Variants in GSE1 observed in about 807,000 individuals in gnomAD.
The protein encoded by GSE1 is Gse1 coiled-coil protein.
In GSE1, 32 loss-of-function variants were observed where a neutral mutation model predicts 112.6. The ratio of observed to expected loss-of-function variants is 0.28; its 90% confidence interval spans 0.21 to 0.38. The LOEUF (loss-of-function observed/expected upper bound fraction) is 0.38, where lower values mean the gene tolerates loss of function less well. Ranked by LOEUF, GSE1 falls within the 10% of genes least tolerant of loss-of-function variation. The probability of loss-of-function intolerance (pLI) is 1.00; values close to 1 mark genes in which losing one functional copy is unlikely to be tolerated. For missense variants in GSE1, 2,348 were observed against 1,699.2 expected (o/e 1.38, Z -6.71); for synonymous variants, 1,115 against 735.6 (o/e 1.52, Z -8.35).
chr16:85,345,784 G>A (rs1219270554), intron 1 of GSE1, among the ~76,000 whole-genome samples: 1 of 152,228 alleles, frequency 6.6e-6, no homozygotes, highest in Non-Finnish European at 1.5e-5. Context: ...TTTTCTTGCT[G>A]CTACATCCCA....
rs141039549 is a variant in GSE1 at position 85,540,842 on chromosome 16, G to A, written c.2465-93072G>A. 4.0e-3 allele frequency among the ~76,000 whole-genome samples: 613 copies of A among 152,282 alleles called. 5 individuals carry two copies. The highest frequency in any genetic ancestry group is 6.6e-3 in the Non-Finnish European group (448 of 68,018). Reference sequence around the variant, plus strand: ...GGATCCCTTGAGCCCAGGAGTTTGAGGCTGCAGTGAGCTGTGATTGCACCA... The same window carrying A: ...GGATCCCTTGAGCCCAGGAGTTTGAAGCTGCAGTGAGCTGTGATTGCACCA... On this transcript the variant is annotated intron_variant, in intron 2 of 2. Transcript: ENST00000637419.
chr16:85,553,079 A>G (rs2045004392), upstream of GSE1, among the ~76,000 whole-genome samples: 1 of 151,284 alleles, frequency 6.6e-6, no homozygotes, highest in Non-Finnish European at 1.5e-5. Flanking sequence ...AAGATGGGAG[A>G]TTTTTCCAGT....
intron 2 of GSE1, among the ~76,000 whole-genome samples, chr16:85,645,340 CCTCTGGGCCG>C (rs2050766412): frequency 6.6e-6 from 1 of 152,084 alleles, no homozygotes; most frequent in Non-Finnish European, 1.5e-5. Context: ...TGTGAACGTG[CCTCTGGGCCG>C]CTCTGGGGCG....
chr16:85,555,558 C>T, upstream of GSE1: 2 of 970,348 alleles, frequency 2.1e-6, no homozygotes, highest in Non-Finnish European at 2.4e-6. Flanking sequence ...CTCCTCTCCC[C>T]TCTCCCGCTC....
At chr16:85,571,589 C>A (rs887241372) in intron 1 of GSE1, among the ~76,000 whole-genome samples, 5 of 152,224 alleles carry the variant, frequency 3.3e-5, no homozygotes, top group African/African-American at 9.6e-5. Flanking sequence ...CTCGGGGAGG[C>A]TCTTGAGAGC....
chr16:85,613,999 C>T (rs1473895255), intron 1 of GSE1, among the ~76,000 whole-genome samples: 1 of 151,764 alleles, frequency 6.6e-6, no homozygotes, highest in African/African-American at 2.4e-5. Context: ...ACCCCCACGC[C>T]CTGCTTCCCG....
chr16:85,289,264 T>C (rs1230999086), intron 1 of GSE1, among the ~76,000 whole-genome samples: 1 of 152,136 alleles, frequency 6.6e-6, no homozygotes, highest in Admixed American at 6.5e-5. Context: ...CCTCCCGCCA[T>C]TGGCCTCCCC....
chr16:85,636,721 G>A lies in GSE1; in HGVS notation c.226+2589G>A, dbSNP rs566941888. ...GGCTGGGAGAGCCGCCGTTAGGACAGTTCTGAGCTGGTGGTCCCGGCGGTC... is the reference window on the plus strand; with the variant it reads ...GGCTGGGAGAGCCGCCGTTAGGACAATTCTGAGCTGGTGGTCCCGGCGGTC... On this transcript the variant is annotated intron_variant, in intron 2 of 15. Transcript: ENST00000253458. Among the ~76,000 whole-genome samples the A allele has an allele frequency of 3.3e-5, 5 of 152,330 alleles. No individual in the cohort carries two copies. In the East Asian group the frequency reaches 5.8e-4, roughly 18 times the overall value.
At chr16:85,459,174 C>T (rs767795540) in intron 2 of GSE1, among the ~76,000 whole-genome samples, 40 of 152,344 alleles carry the variant, frequency 2.6e-4, no homozygotes, top group Non-Finnish European at 5.4e-4. Context: ...AAGTCAGAGG[C>T]AGGCAGATTC....
At chr16:85,196,965 C>T (rs1011323078) in intron 1 of GSE1, among the ~76,000 whole-genome samples, 1 of 152,164 alleles carries the variant, frequency 6.6e-6, no homozygotes, top group African/African-American at 2.4e-5. Flanking sequence ...TGAGCACTGG[C>T]CAGGGAGTCT....
chr16:85,464,647 C>T (rs931050469), intron 2 of GSE1, among the ~76,000 whole-genome samples: 6 of 152,242 alleles, frequency 3.9e-5, no homozygotes, highest in South Asian at 2.1e-4. Context: ...CACCATCTCC[C>T]GGGCGGAGGG....
In GSE1 at chr16:85,272,777, CTT is replaced by C. The variant is rs1204820536; in HGVS notation, c.2284-84669_2284-84668del. 4.1e-3 allele frequency among the ~76,000 whole-genome samples: 534 copies of C among 131,358 alleles called. 1 individual carries two copies. Among genetic ancestry groups the C allele is most frequent in the Middle Eastern group, 8.4e-3 (2 of 238 alleles). 86.2% of individuals were successfully genotyped at this position (131,358 alleles called of 152,430 possible). On this transcript the variant is annotated intron_variant, in intron 1 of 2. Coordinates refer to the GSE1 transcript ENST00000637419. Reference sequence around the variant, plus strand: ...TTGCTTGCTTGTTTTCTTCTCTTTTCTTTTTTTTTTTTTTTTTTGACGGAGTT... The same window carrying C: ...TTGCTTGCTTGTTTTCTTCTCTTTTCTTTTTTTTTTTTTTTTGACGGAGTT...
intron 2 of GSE1, among the ~76,000 whole-genome samples, chr16:85,462,001 T>A (rs2049981893): frequency 6.6e-6 from 1 of 152,168 alleles, no homozygotes; most frequent in Non-Finnish European, 1.5e-5. Flanking sequence ...AGAGCCTCGG[T>A]GCTCACAGCA....
chr16:85,353,208 C>T (rs1470369926), intron 1 of GSE1, among the ~76,000 whole-genome samples: 2 of 152,178 alleles, frequency 1.3e-5, no homozygotes, highest in East Asian at 1.9e-4. Context: ...GACGCAGTCT[C>T]ACCTGGGGAC....
chr16:85,327,037 C>T (rs1360896802), intron 1 of GSE1, among the ~76,000 whole-genome samples: 1 of 152,258 alleles, frequency 6.6e-6, no homozygotes, highest in South Asian at 2.1e-4. Context: ...GCTGGAGCAT[C>T]TACTTCCAAG....
upstream of GSE1, chr16:85,613,288 C>A: frequency 6.5e-7 from 1 of 1,539,448 alleles, no homozygotes; most frequent in Non-Finnish European, 8.8e-7. Context: ...CGGGCCCGAG[C>A]TGCCGCCGCC....
At chr16:85,549,757 A>T (rs1347444255) in intron 2 of GSE1, among the ~76,000 whole-genome samples, 1 of 152,236 alleles carries the variant, frequency 6.6e-6, no homozygotes, top group Non-Finnish European at 1.5e-5. Context: ...TAAGGACTAG[A>T]GCCGGACAGA....
At chr16:85,486,848 T>G (rs896178022) in intron 2 of GSE1, among the ~76,000 whole-genome samples, 4 of 152,186 alleles carry the variant, frequency 2.6e-5, no homozygotes, top group African/African-American at 9.6e-5. Flanking sequence ...CGCCGGTGCC[T>G]GGTGCTCAGT....
At chr16:85,626,765 G>A (rs28507623) in intron 1 of GSE1, among the ~76,000 whole-genome samples, 5 of 151,954 alleles carry the variant, frequency 3.3e-5, no homozygotes, top group Admixed American at 6.5e-5. Flanking sequence ...CAGTAATTAC[G>A]GGATCCGCGG....
Sources: allele counts gnomAD v4.1 joint callset (sites outside exome capture counted in the v4.1 genomes callset), GRCh38; gene constraint gnomAD v4.1.1; transcripts MANE v1.5; gene names NCBI Gene and HGNC (gene_info 2026-07-23, HGNC 2026-07-21).